The following TECTB variants were observed in gnomAD, a reference collection of about 807,000 sequenced individuals.
TECTB encodes beta-tectorin.
TECTB carries 45 observed loss-of-function variants against 43.3 expected under a neutral mutation model. The ratio of observed to expected loss-of-function variants is 1.04; its 90% CI spans 0.82 to 1.33. The LOEUF is 1.33. Among genes scored for constraint, TECTB ranks in the 40% most tolerant of loss-of-function variants. TECTB has a pLI of 0.00. For missense variants in TECTB, 399 were observed against 404.7 expected, an observed-to-expected ratio of 0.99 and a Z score of 0.12; for synonymous variants, 169 against 156.7, an observed-to-expected ratio of 1.08 and a Z score of -0.59.
chr10:112,300,288 AAAGAAAG>A (rs1848595541), intron 9 of TECTB, among the ~76,000 whole-genome samples: 1 of 95,072 alleles, frequency 1.1e-5, no homozygotes, highest in African/African-American at 4.4e-5. Context: ...GAAAAGAAAG[AAAGAAAG>A]AAAGAAAGAA....
intron 7 of TECTB, among the ~76,000 whole-genome samples, chr10:112,296,888 G>A (rs1055898910): frequency 7.2e-5 from 11 of 152,046 alleles, no homozygotes; most frequent in African/African-American, 2.7e-4. Flanking sequence ...CATTAATCTG[G>A]GGCCTGCTAT....
At position 112,284,616 on chromosome 10, in the gene TECTB, T is replaced by G; in HGVS notation, c.158T>G (p.Leu53Arg). 6.2e-7 allele frequency: 1 copy of G among 1,613,908 alleles called. No individual in the cohort carries two copies. Among genetic ancestry groups the G allele is most frequent in the South Asian group, 1.1e-5 (1 of 91,020 alleles). Residue 53 changes from leucine (L) to arginine (R), a missense_variant, in exon 3 of 11, where the codon CTG becomes CGG. Coordinates refer to ENST00000646139, the MANE Select transcript of TECTB (RefSeq NM_058222.3). ...CCCTATGGATGGGAAGTTCATCAGCTGGCCCTCGGAGGGCTGTGTTACAAT... is the reference window on the plus strand; with the variant it reads ...CCCTATGGATGGGAAGTTCATCAGCGGGCCCTCGGAGGGCTGTGTTACAAT... The part of the protein sequence containing the change: ...ECPYGWEVHQ[L>R]ALGGLCYNGV...
chr10:112,297,334 C>T (rs1393019955), intron 7 of TECTB, among the ~76,000 whole-genome samples: 2 of 152,094 alleles, frequency 1.3e-5, no homozygotes, highest in Admixed American at 6.6e-5. Context: ...AATAAATGCC[C>T]ATCTGTGTCA....
intron 9 of TECTB, among the ~76,000 whole-genome samples, chr10:112,300,016 C>T (rs1848584418): frequency 1.3e-5 from 2 of 151,092 alleles, no homozygotes; most frequent in African/African-American, 4.9e-5. Context: ...TACAAAATTA[C>T]CTGGGCTTGG....
In TECTB at chr10:112,303,272, A is replaced by C. The variant is rs746875075; in HGVS notation, c.950A>C (p.His317Pro). The C allele has an allele frequency of 6.2e-7, 1 of 1,613,972 alleles. No homozygotes were observed. The highest frequency in any genetic ancestry group is 8.5e-7 in the Non-Finnish European group (1 of 1,179,992). The change falls in exon 11 of 11, where the codon CAC (histidine) becomes CCC (proline). Residue 317 changes from histidine to proline, a missense_variant. Transcript: ENST00000646139. The part of the protein sequence containing the change: ...SSLYSFSDVL[H>P]HLIMMLGICA... ...CCCTTCTGGTCCACAGATGTTCTCC[A>C]CCACCTCATCATGATGTTGGGGATT...
chr10:112,298,209 G>C lies in TECTB; in HGVS notation c.812G>C (p.Ser271Thr). 6.2e-7 allele frequency: 1 copy of C among 1,614,132 alleles called. No homozygotes were observed. The highest frequency in any genetic ancestry group is 8.5e-7 in the Non-Finnish European group (1 of 1,179,996). The change falls in exon 8 of 11, where the codon AGT becomes ACT. Residue 271 changes from serine to threonine, a missense_variant. Physicochemically the swap from Ser to Thr is moderately conservative, Grantham distance 58. Coordinates refer to ENST00000646139, the MANE Select transcript of TECTB (RefSeq NM_058222.3). Reference sequence around the variant, plus strand: ...CACTGTGAGACGTTCATCTGCGACAGTGAGAAACTCTCCTGCCCAGTGGTG... The same window carrying C: ...CACTGTGAGACGTTCATCTGCGACACTGAGAAACTCTCCTGCCCAGTGGTG... ...WLHCETFICD[S>T]EKLSCPVTCD...
chr10:112,286,945 A>G (rs1345769791), intron 5 of TECTB, among the ~76,000 whole-genome samples: 1 of 152,144 alleles, frequency 6.6e-6, no homozygotes, highest in African/African-American at 2.4e-5. Context: ...TAAAAACAAA[A>G]AAACCAATCT....
chr10:112,290,895 T>A (rs1006396017), intron 5 of TECTB, among the ~76,000 whole-genome samples: 1 of 152,204 alleles, frequency 6.6e-6, no homozygotes, highest in Non-Finnish European at 1.5e-5. Context: ...AGTAAAATAA[T>A]GTCAGAGGTA....
intron 7 of TECTB, among the ~76,000 whole-genome samples, chr10:112,295,734 T>C (rs2133354056): frequency 6.6e-6 from 1 of 152,350 alleles, no homozygotes; most frequent in South Asian, 2.1e-4. Context: ...TGGGAACCTC[T>C]CTCAGGCAAT....
intron 2 of TECTB, 124 bp from the exon 3 acceptor site, chr10:112,284,411 A>G: frequency 2.2e-6 from 2 of 914,598 alleles, no homozygotes; most frequent in South Asian, 3.2e-5. Context: ...GGTGAGGAAT[A>G]GCAGGGAAGG....
chr10:112,303,087 C>A, intron 10 of TECTB, 176 bp from the exon 11 acceptor site: 1 of 674,434 alleles, frequency 1.5e-6, no homozygotes, highest in Non-Finnish European at 2.6e-6. Flanking sequence ...GTTTATCTGT[C>A]AGGTTCTTTG....
chr10:112,291,993 G>A (rs183330813), intron 5 of TECTB, among the ~76,000 whole-genome samples: 362 of 152,194 alleles, frequency 2.4e-3, no homozygotes, highest in Admixed American at 5.0e-3. Flanking sequence ...AAAATTAGCC[G>A]GGCGTGGTGG....
intron 7 of TECTB, among the ~76,000 whole-genome samples, chr10:112,296,404 A>G (rs536238640): frequency 1.3e-5 from 2 of 152,278 alleles, no homozygotes; most frequent in South Asian, 2.1e-4. Context: ...AGCAGTGCCA[A>G]GGCATCTAGA....
At chr10:112,301,271 G>T (rs1049980305) in intron 9 of TECTB, among the ~76,000 whole-genome samples, 2 of 152,064 alleles carry the variant, frequency 1.3e-5, no homozygotes, top group African/African-American at 4.8e-5. Context: ...ATCCGGGAGT[G>T]GTGGTGCACA....
At chr10:112,291,944 G>A (rs1235975115) in intron 5 of TECTB, among the ~76,000 whole-genome samples, 1 of 152,162 alleles carries the variant, frequency 6.6e-6, no homozygotes, top group African/African-American at 2.4e-5. Context: ...AGACCATCCT[G>A]GCTAACACGG....
rs1169373229 is a variant in TECTB, at chr10:112,283,470, C to T, written c.-114C>T. ...ATGAAACAGTCGGGAACATGAACAACTCCATGTGTCATTGACGCTTCCAAC... is the reference window on the plus strand; with the variant it reads ...ATGAAACAGTCGGGAACATGAACAATTCCATGTGTCATTGACGCTTCCAAC... On this transcript the variant is annotated 5_prime_UTR_variant, in exon 1 of 11. Coordinates refer to ENST00000646139, the MANE Select transcript of TECTB (RefSeq NM_058222.3). 2.1e-6 allele frequency: 1 copy of T among 472,732 alleles called. No individual in the cohort carries two copies. 29.3% of individuals were successfully genotyped at this position (472,732 alleles called of 1,614,324 possible).
intron 10 of TECTB, 81 bp from the exon 11 acceptor site, chr10:112,303,182 T>C: frequency 2.0e-6 from 3 of 1,533,766 alleles, no homozygotes; most frequent in Non-Finnish European, 1.8e-6. Context: ...TGAAGACCCC[T>C]GAGTTAACTC....
chr10:112,293,894 T>C (rs1848522597), intron 6 of TECTB, 53 bp downstream of exon 6: 1 of 1,603,430 alleles, frequency 6.2e-7, no homozygotes, highest in East Asian at 2.2e-5. Flanking sequence ...AAAAAAAGAC[T>C]AGCTGACATA....
chr10:112,284,506 A>T, intron 2 of TECTB, 29 bp from the exon 3 acceptor site: 1 of 1,551,202 alleles, frequency 6.4e-7, no homozygotes, highest in Non-Finnish European at 8.7e-7. Context: ...ACCCTAACTG[A>T]TTTTAAACTA....
Sources: gnomAD v4.1 joint callset for allele counts (sites outside exome capture counted in the v4.1 genomes callset) on GRCh38, gnomAD v4.1.1 for gene constraint, MANE v1.5 for transcripts, NCBI Gene and HGNC (gene_info 2026-07-23, HGNC 2026-07-21) for gene names.